ZFAND6: variants seen among roughly 807,000 people sequenced by gnomAD.
The protein encoded by ZFAND6 is AN1-type zinc finger protein 6.
In ZFAND6, 12 loss-of-function variants were observed where a neutral mutation model predicts 24.5. The ratio of observed to expected loss-of-function variants is 0.49; its 90% CI spans 0.31 to 0.79. ZFAND6 has a LOEUF of 0.79. Ranked by LOEUF, ZFAND6 falls within the 30% of genes least tolerant of loss-of-function variation. The pLI is 0.04. For synonymous variants in ZFAND6, 92 were observed against 81.5 expected (o/e 1.13, Z -0.69); for missense variants, 207 against 245.9 (o/e 0.84, Z 1.06).
At chr15:80,095,677 T>C (rs2038676998) in intron 1 of ZFAND6, among the ~76,000 whole-genome samples, 1 of 152,218 alleles carries the variant, frequency 6.6e-6, no homozygotes, top group South Asian at 2.1e-4. Context: ...TTGGATTCTT[T>C]AGCATTATAA....
intron 2 of ZFAND6, among the ~76,000 whole-genome samples, chr15:80,102,603 A>G (rs987418807): frequency 2.6e-5 from 4 of 152,318 alleles, no homozygotes; most frequent in Non-Finnish European, 4.4e-5. Flanking sequence ...AAGACTAGCA[A>G]TGTTATGGGT....
intron 5 of ZFAND6, chr15:80,129,741 C>A (rs2040514622): frequency 6.6e-6 from 1 of 152,182 alleles, no homozygotes; most frequent in Non-Finnish European, 1.5e-5. Flanking sequence ...AAGTGCTATA[C>A]ACAGGGTTTC....
intron 2 of ZFAND6, among the ~76,000 whole-genome samples, chr15:80,119,908 G>A (rs966365822): frequency 6.6e-6 from 1 of 152,156 alleles, no homozygotes; most frequent in Non-Finnish European, 1.5e-5. Flanking sequence ...ACACACATTA[G>A]CACATGAACT....
chr15:80,111,491 A>C (rs1349687224), intron 2 of ZFAND6: 1 of 455,744 alleles, frequency 2.2e-6, no homozygotes, highest in African/African-American at 2.0e-5. Flanking sequence ...GTAGCCACCT[A>C]AGATAGGAAT....
chr15:80,065,982 TTA>T (rs1301896475), intron 1 of ZFAND6, among the ~76,000 whole-genome samples: 3 of 152,232 alleles, frequency 2.0e-5, no homozygotes, highest in Non-Finnish European at 4.4e-5. Context: ...AGTAATATTT[TTA>T]TGTTTATATA....
At chr15:80,083,458 A>G (rs1255941270) in intron 1 of ZFAND6, among the ~76,000 whole-genome samples, 3 of 152,190 alleles carry the variant, frequency 2.0e-5, no homozygotes, top group African/African-American at 7.2e-5. Context: ...AATGAGGGAG[A>G]AAAGAGACCA....
At chr15:80,113,881 T>C (rs1270665376) in intron 2 of ZFAND6, among the ~76,000 whole-genome samples, 1 of 151,268 alleles carries the variant, frequency 6.6e-6, no homozygotes, top group Non-Finnish European at 1.5e-5. Flanking sequence ...CCCAAAAGAG[T>C]GGTACAAGCA....
chr15:80,077,046 T>G (rs1402462088), intron 1 of ZFAND6, among the ~76,000 whole-genome samples: 1 of 152,254 alleles, frequency 6.6e-6, no homozygotes, highest in Non-Finnish European at 1.5e-5. Context: ...CACATAGTTT[T>G]GAGTTTCATA....
At chr15:80,067,164 C>G (rs760053589) in intron 1 of ZFAND6, among the ~76,000 whole-genome samples, 4 of 152,198 alleles carry the variant, frequency 2.6e-5, no homozygotes, top group Non-Finnish European at 5.9e-5. Context: ...AGCTTTGTTT[C>G]AGGACTTGTT....
At chr15:80,086,137 C>T (rs891299565) in intron 1 of ZFAND6, among the ~76,000 whole-genome samples, 5 of 152,200 alleles carry the variant, frequency 3.3e-5, no homozygotes, top group Admixed American at 1.3e-4. Context: ...CTGCCGGGTT[C>T]GAGTGATTCT....
At chr15:80,088,946 C>T (rs1419170761) in intron 1 of ZFAND6, among the ~76,000 whole-genome samples, 1 of 152,066 alleles carries the variant, frequency 6.6e-6, no homozygotes, top group Non-Finnish European at 1.5e-5. Context: ...TTCTTTATCT[C>T]ATCTTTATCC....
chr15:80,088,440 C>T (rs1003391244), intron 1 of ZFAND6, among the ~76,000 whole-genome samples: 2 of 152,090 alleles, frequency 1.3e-5, no homozygotes, highest in African/African-American at 2.4e-5. Flanking sequence ...GTGGTGCACG[C>T]CTGTAATCCC....
At chr15:80,061,829 C>T (rs779470047) in intron 1 of ZFAND6, among the ~76,000 whole-genome samples, 5 of 152,036 alleles carry the variant, frequency 3.3e-5, no homozygotes, top group Admixed American at 6.6e-5. Flanking sequence ...TTGCATTAGA[C>T]GGTATTAGGT....
At chr15:80,079,750 T>C (rs6495472) in intron 1 of ZFAND6, among the ~76,000 whole-genome samples, 144,332 of 149,246 alleles carry the variant, frequency 0.97, 69,812 homozygotes, top group East Asian at 1. Context: ...CCCAGGTTCA[T>C]GCCATCCTCC....
intron 1 of ZFAND6, among the ~76,000 whole-genome samples, chr15:80,065,107 A>T (rs1284681433): frequency 7.7e-6 from 1 of 129,936 alleles, no homozygotes; most frequent in African/African-American, 2.9e-5. Flanking sequence ...CTTTGCTTTT[A>T]TATTTAAAGG....
At chr15:80,089,457 T>C (rs952829491) in intron 1 of ZFAND6, among the ~76,000 whole-genome samples, 7 of 151,864 alleles carry the variant, frequency 4.6e-5, no homozygotes, top group African/African-American at 1.5e-4. Context: ...GGTTTTGCCA[T>C]GTTTGCCAGG....
At chr15:80,090,279 C>A (rs543805367) in intron 1 of ZFAND6, among the ~76,000 whole-genome samples, 145 of 152,312 alleles carry the variant, frequency 9.5e-4, no homozygotes, top group African/African-American at 3.3e-3. Context: ...GACCACAACT[C>A]TGTCAGAATC....
intron 1 of ZFAND6, among the ~76,000 whole-genome samples, chr15:80,067,029 A>G (rs570314193): frequency 3.3e-4 from 51 of 152,314 alleles, no homozygotes; most frequent in African/African-American, 1.2e-3. Flanking sequence ...CAAGAAGTTG[A>G]AGGTAGTTTC....
intron 2 of ZFAND6, among the ~76,000 whole-genome samples, chr15:80,113,335 C>T (rs1438008217): frequency 6.6e-6 from 1 of 152,084 alleles, no homozygotes; most frequent in African/African-American, 2.4e-5. Context: ...CGTGACATTC[C>T]CCAATTTTTG....
Sources: gnomAD v4.1 joint callset for allele counts (sites outside exome capture counted in the v4.1 genomes callset) on GRCh38, gnomAD v4.1.1 for gene constraint, MANE v1.5 for transcripts, NCBI Gene and HGNC (gene_info 2026-07-23, HGNC 2026-07-21) for gene names.